Variants in RANBP2 observed in about 807,000 individuals in gnomAD.
RANBP2 encodes RAN binding protein 2, also known as E3 SUMO-protein ligase RanBP2.
RANBP2 carries 57 observed loss-of-function variants against 303.6 expected under a neutral mutation model. The ratio of observed to expected loss-of-function variants is 0.19; its 90% CI spans 0.15 to 0.23. The LOEUF (loss-of-function observed/expected upper bound fraction) is 0.23. Among genes scored for constraint, RANBP2 ranks in the 10% least tolerant of loss-of-function variants. RANBP2 has a pLI of 1.00. For synonymous variants in RANBP2, 1,167 were observed against 1,301.5 expected, an observed-to-expected ratio of 0.90 and a Z score of 2.23; for missense variants, 3,138 against 3,780.8, an observed-to-expected ratio of 0.83 and a Z score of 4.46.
At chr2:109,134,113 A>C in the RANBP2 span, among the ~76,000 whole-genome samples, 3 of 152,216 alleles carry the variant, frequency 2.0e-5, no homozygotes, top group Admixed American at 6.5e-5. Flanking sequence ...CATGCTGGGC[A>C]CTTTGACATA....
At chr2:108,795,999 A>G in the RANBP2 span, among the ~76,000 whole-genome samples, 85 of 152,328 alleles carry the variant, frequency 5.6e-4, no homozygotes, top group Middle Eastern at 6.8e-3. Context: ...ATAAGAAAAA[A>G]ATGAAGTGCA....
the RANBP2 span, among the ~76,000 whole-genome samples, chr2:108,954,265 T>C: frequency 2.0e-5 from 3 of 152,200 alleles, no homozygotes; most frequent in African/African-American, 7.2e-5. Context: ...CAGATTGTGG[T>C]GTGTGGGCAG....
At chr2:108,892,016 G>T in the RANBP2 span, among the ~76,000 whole-genome samples, 2 of 152,158 alleles carry the variant, frequency 1.3e-5, no homozygotes, top group African/African-American at 4.8e-5. Flanking sequence ...GGCTGTGCAG[G>T]TTTGTGCTCA....
chr2:109,298,332 C>T, the RANBP2 span, among the ~76,000 whole-genome samples: 4 of 152,110 alleles, frequency 2.6e-5, no homozygotes, highest in African/African-American at 9.7e-5. Context: ...TGTCTGTCAT[C>T]CTTGTCCCTG....
chr2:109,394,426 C>T, the RANBP2 span, among the ~76,000 whole-genome samples: 4 of 152,148 alleles, frequency 2.6e-5, no homozygotes, highest in South Asian at 2.1e-4. Flanking sequence ...CCAAGAGCAT[C>T]GGACTAGGGG....
At chr2:109,548,177 C>CAA in the RANBP2 span, among the ~76,000 whole-genome samples, 4 of 145,664 alleles carry the variant, frequency 2.7e-5, no homozygotes, top group Admixed American at 6.8e-5. Flanking sequence ...TGGCTTACCT[C>CAA]AAAAAAAAAA....
At chr2:109,331,165 G>A in the RANBP2 span, among the ~76,000 whole-genome samples, 1 of 152,062 alleles carries the variant, frequency 6.6e-6, no homozygotes, top group African/African-American at 2.4e-5. Flanking sequence ...TTTACTTTTG[G>A]ATCTGTTCCC....
the RANBP2 span, among the ~76,000 whole-genome samples, chr2:108,963,397 G>A: frequency 3.3e-5 from 5 of 152,058 alleles, no homozygotes; most frequent in African/African-American, 1.2e-4. Context: ...AAGAAGATTC[G>A]AATTGTAAAA....
chr2:108,719,726 G>A, intron 1 of RANBP2, 48 bp downstream of exon 1: 1 of 1,554,962 alleles, frequency 6.4e-7, no homozygotes, highest in South Asian at 1.2e-5. Context: ...GCCGGGCGGC[G>A]GCCTCGCGCT....
chr2:109,367,259 C>T, the RANBP2 span, among the ~76,000 whole-genome samples: 20 of 148,828 alleles, frequency 1.3e-4, no homozygotes, highest in South Asian at 4.3e-4. Context: ...CCACTGTGCC[C>T]GTCTTGTTTT....
At chr2:109,640,828 A>C in the RANBP2 span, among the ~76,000 whole-genome samples, 10 of 152,156 alleles carry the variant, frequency 6.6e-5, no homozygotes, top group Admixed American at 6.6e-5. Flanking sequence ...AATCAGGCCC[A>C]GGTGTAGCAG....
the RANBP2 span, chr2:109,760,299 C>G: frequency 1.4e-5 from 2 of 147,534 alleles, no homozygotes; most frequent in Admixed American, 7.0e-5. Context: ...CAACTACTTA[C>G]ATTCAATAAA....
the RANBP2 span, among the ~76,000 whole-genome samples, chr2:108,800,183 G>C: frequency 6.6e-6 from 1 of 152,104 alleles, no homozygotes; most frequent in Admixed American, 6.5e-5. Flanking sequence ...TTAATGCATA[G>C]ATTTTGGGTT....
At chr2:109,476,242 C>G in the RANBP2 span, among the ~76,000 whole-genome samples, 2 of 152,230 alleles carry the variant, frequency 1.3e-5, no homozygotes, top group Non-Finnish European at 2.9e-5. Flanking sequence ...CTAGCACCCA[C>G]AGCACAAAGT....
chr2:109,063,883 G>A, the RANBP2 span, among the ~76,000 whole-genome samples: 7 of 151,938 alleles, frequency 4.6e-5, 1 homozygote, highest in East Asian at 9.7e-4. Flanking sequence ...TTGTGGCTTT[G>A]GTTTAGGGAT....
At chr2:109,435,411 C>T in the RANBP2 span, among the ~76,000 whole-genome samples, 154 of 152,352 alleles carry the variant, frequency 1.0e-3, no homozygotes, top group African/African-American at 3.3e-3. Flanking sequence ...GGAGGGTAGG[C>T]GAAGGCCTAC....
At chr2:109,187,273 C>A in the RANBP2 span, among the ~76,000 whole-genome samples, 1 of 152,102 alleles carries the variant, frequency 6.6e-6, no homozygotes, top group Non-Finnish European at 1.5e-5. Flanking sequence ...TTAAAAAACT[C>A]TTCGATCTGA....
At chr2:108,912,233 T>C in the RANBP2 span, among the ~76,000 whole-genome samples, 21 of 152,084 alleles carry the variant, frequency 1.4e-4, 1 homozygote, top group African/African-American at 4.8e-4. Context: ...AACTTTGGGG[T>C]CCTCCTCAAT....
chr2:109,493,397 C>T, the RANBP2 span, among the ~76,000 whole-genome samples: 1,228 of 151,604 alleles, frequency 8.1e-3, 11 homozygotes, highest in South Asian at 0.028. Flanking sequence ...GTACAGACAC[C>T]ACACACACCA....
Sources: allele counts gnomAD v4.1 joint callset (sites outside exome capture counted in the v4.1 genomes callset), GRCh38; gene constraint gnomAD v4.1.1; transcripts MANE v1.5; gene names NCBI Gene and HGNC (gene_info 2026-07-23, HGNC 2026-07-21).